PSD3: variants seen among roughly 807,000 people sequenced by gnomAD.
PSD3 encodes pleckstrin and Sec7 domain containing 3.
In PSD3, 49 loss-of-function variants were observed where a neutral mutation model predicts 105.5. That is an observed-to-expected ratio of 0.46 (90% CI 0.37 to 0.59). The LOEUF is 0.59. Among genes scored for constraint, PSD3 ranks in the 20% least tolerant of loss-of-function variants. PSD3 has a pLI of 0.00. For synonymous variants in PSD3, 557 were observed against 457.8 expected (o/e 1.22, Z -2.77); for missense variants, 1,561 against 1,263.8 (o/e 1.24, Z -3.57).
chr8:19,064,820 A>G (rs1329311030), intron 1 of PSD3, among the ~76,000 whole-genome samples: 1 of 152,208 alleles, frequency 6.6e-6, no homozygotes, highest in East Asian at 1.9e-4. Flanking sequence ...AAAAACAAGA[A>G]CTTGCTAGAA....
chr8:18,872,551 C>G lies in PSD3; in HGVS notation c.313G>C (p.Asp105His), dbSNP rs376815554. The part of the protein sequence containing the change: ...QPLTGCHSGL[D>H]SVTEGPKDVR... ...TCTTTTGGTCCTTCTGTAACACTGT[C>G]GAGCCCAGAGTGGCAGCCAGTAAGA... The change falls in exon 3 of 16, where the codon GAC becomes CAC. Residue 105 changes from aspartate (D) to histidine (H), a missense_variant. Coordinates refer to ENST00000327040, the MANE Select transcript of PSD3 (RefSeq NM_015310.4). 2.8e-5 allele frequency: 45 copies of G among 1,613,762 alleles called. No homozygotes were observed. Among genetic ancestry groups the G allele is most frequent in the Admixed American group, 1.3e-4 (8 of 59,986 alleles).
At chr8:18,990,886 G>GTTT (rs1181998662) in intron 1 of PSD3, among the ~76,000 whole-genome samples, 2 of 152,120 alleles carry the variant, frequency 1.3e-5, no homozygotes, top group Non-Finnish European at 2.9e-5. Context: ...TTTTGCCAAA[G>GTTT]TGCTTTCAAA....
At chr8:18,807,675 G>T (rs1327597586) in intron 4 of PSD3, among the ~76,000 whole-genome samples, 2 of 152,146 alleles carry the variant, frequency 1.3e-5, no homozygotes, top group African/African-American at 4.8e-5. Context: ...AACATGTATG[G>T]TAACCCTCAA....
intron 8 of PSD3, among the ~76,000 whole-genome samples, chr8:18,770,554 G>T (rs1417935387): frequency 1.3e-5 from 2 of 152,154 alleles, no homozygotes; most frequent in African/African-American, 2.4e-5. Context: ...AATCTGCTGT[G>T]TTCCACCCCT....
At chr8:18,579,350 A>C (rs1802663430) in intron 12 of PSD3, among the ~76,000 whole-genome samples, 1 of 152,230 alleles carries the variant, frequency 6.6e-6, no homozygotes. Flanking sequence ...CTAAATGTGA[A>C]ACAGTGAGCA....
At chr8:18,771,251 C>T (rs1214325371) in intron 8 of PSD3, among the ~76,000 whole-genome samples, 2 of 152,150 alleles carry the variant, frequency 1.3e-5, no homozygotes, top group African/African-American at 2.4e-5. Flanking sequence ...TGGGCCACCG[C>T]ATCAGGCTTT....
chr8:18,633,675 G>A (rs1192874170), intron 10 of PSD3, among the ~76,000 whole-genome samples: 3 of 152,060 alleles, frequency 2.0e-5, no homozygotes, highest in Non-Finnish European at 4.4e-5. Context: ...AGGGCATCTA[G>A]GTTAATTCCA....
chr8:18,683,145 T>C (rs1409203582), intron 9 of PSD3, among the ~76,000 whole-genome samples: 1 of 152,218 alleles, frequency 6.6e-6, no homozygotes, highest in East Asian at 1.9e-4. Flanking sequence ...ACAAAGATTA[T>C]ATTATCTTCA....
rs768132644 is a variant in PSD3, at chr8:18,530,685, C to CT, written c.*5057dup. ...AAGTTACTAAGACTGCACAGGCTGC[C>CT]TTTTTTTTTTTTTTTCTTTTCTTTC... On this transcript the variant is annotated 3_prime_UTR_variant, in exon 16 of 16. Transcript: ENST00000327040. The CT allele has an allele frequency of 0.033, 4,646 of 140,134 alleles. 106 individuals are homozygous for CT. Among genetic ancestry groups the CT allele is most frequent in the South Asian group, 0.12 (521 of 4,360 alleles). The allele number at this position is 140,134 out of a possible 1,614,324, so 8.7% of individuals were successfully genotyped here.
At chr8:19,029,255 G>GA (rs1213412974) in intron 1 of PSD3, among the ~76,000 whole-genome samples, 1 of 152,122 alleles carries the variant, frequency 6.6e-6, no homozygotes, top group Non-Finnish European at 1.5e-5. Context: ...GGAGGGAATT[G>GA]AAAATCTCAA....
At chr8:18,578,049 CT>C (rs1027327373) in intron 12 of PSD3, among the ~76,000 whole-genome samples, 4 of 152,022 alleles carry the variant, frequency 2.6e-5, no homozygotes, top group Non-Finnish European at 4.4e-5. Context: ...ATTGGTTTTA[CT>C]TATTGTCTGG....
At chr8:18,544,998 C>A (rs1800371892) in intron 15 of PSD3, among the ~76,000 whole-genome samples, 1 of 152,106 alleles carries the variant, frequency 6.6e-6, no homozygotes, top group African/African-American at 2.4e-5. Flanking sequence ...GGTGCTTTTA[C>A]CTTTGAATAA....
Position 18,611,086 on chromosome 8 carries a change from A to T in PSD3, c.2411-10652T>A, listed in dbSNP as rs181611705. Among the ~76,000 whole-genome samples the T allele has an allele frequency of 3.5e-3, 534 of 152,302 alleles. 4 individuals carry two copies. The highest frequency in any genetic ancestry group is 6.4e-3 in the Non-Finnish European group (435 of 68,014). On this transcript the variant is annotated intron_variant, in intron 11 of 15. Coordinates refer to ENST00000327040, the MANE Select transcript of PSD3 (RefSeq NM_015310.4). ...CATAAACAATGAAAGTTAATTTAACATGATAAACTGTATAAACTAAATGGT... is the reference window on the plus strand; with the variant it reads ...CATAAACAATGAAAGTTAATTTAACTTGATAAACTGTATAAACTAAATGGT...
chr8:18,635,005 A>G (rs1807155003), intron 10 of PSD3, among the ~76,000 whole-genome samples: 2 of 152,164 alleles, frequency 1.3e-5, no homozygotes. Context: ...CATTTATTCT[A>G]CATTCATTAA....
chr8:18,916,807 ATATG>A (rs1226524915), intron 2 of PSD3, among the ~76,000 whole-genome samples: 2 of 152,176 alleles, frequency 1.3e-5, no homozygotes, highest in African/African-American at 2.4e-5. Flanking sequence ...CACAACGAAT[ATATG>A]TATGAAGATA....
intron 2 of PSD3, among the ~76,000 whole-genome samples, chr8:18,904,404 G>A (rs1365889109): frequency 6.6e-6 from 1 of 152,124 alleles, no homozygotes; most frequent in African/African-American, 2.4e-5. Flanking sequence ...CCATGAAGAT[G>A]GGGCTGCCCA....
rs1455147283 is a variant in PSD3 at position 18,535,714 on chromosome 8, G to A, written c.*29C>T. 1 of 1,542,752 alleles carries A rather than the reference G, an allele frequency of 6.5e-7. No homozygotes were observed. Among genetic ancestry groups the A allele is most frequent in the Admixed American group, 1.7e-5 (1 of 59,852 alleles). On this transcript the variant is annotated 3_prime_UTR_variant, in exon 16 of 16. Transcript: ENST00000327040. ...CTTGAAAAACCCTATTTTGCTCCAT[G>A]ACCAGCACTTCCTGGCCGCAGATGG...
At chr8:18,628,005 A>C (rs1806616978) in intron 11 of PSD3, among the ~76,000 whole-genome samples, 1 of 152,048 alleles carries the variant, frequency 6.6e-6, no homozygotes, top group Admixed American at 6.6e-5. Context: ...ACCCAAGTTG[A>C]ACTTCAAAGA....
chr8:18,966,226 C>T (rs1329632806), intron 1 of PSD3, among the ~76,000 whole-genome samples: 2 of 152,166 alleles, frequency 1.3e-5, no homozygotes, highest in Non-Finnish European at 2.9e-5. Context: ...AGGTGGACTG[C>T]CATTCCACTT....
Sources: allele counts gnomAD v4.1 joint callset (sites outside exome capture counted in the v4.1 genomes callset), GRCh38; gene constraint gnomAD v4.1.1; transcripts MANE v1.5; gene names NCBI Gene and HGNC (gene_info 2026-07-23, HGNC 2026-07-21).